ESRRB: variants seen among roughly 807,000 people sequenced by gnomAD.
ESRRB encodes steroid hormone receptor ERR2.
ESRRB carries 16 observed loss-of-function variants against 46.0 expected under a neutral mutation model. The ratio of observed to expected loss-of-function variants is 0.35; its 90% CI spans 0.24 to 0.53. ESRRB has a LOEUF of 0.53. Among genes scored for constraint, ESRRB ranks in the 20% least tolerant of loss-of-function variants. The probability of loss-of-function intolerance (pLI) is 0.93; values close to 1 mark genes in which losing one functional copy is unlikely to be tolerated. For missense variants in ESRRB, 488 were observed against 607.4 expected, an observed-to-expected ratio of 0.80 and a Z score of 2.07; for synonymous variants, 246 against 259.6, an observed-to-expected ratio of 0.95 and a Z score of 0.50.
chr14:76,394,895 A>C (rs928114331), intron 1 of ESRRB, among the ~76,000 whole-genome samples: 1 of 152,210 alleles, frequency 6.6e-6, no homozygotes, highest in Non-Finnish European at 1.5e-5. Context: ...GACATGAACC[A>C]TTCCCATGTA....
At position 76,462,576 on chromosome 14, in the gene ESRRB, C is replaced by T. The variant is rs370878277; in HGVS notation, c.492C>T (p.Asn164=). 1.8e-5 allele frequency: 29 copies of T among 1,613,962 alleles called. No individual in the cohort carries two copies. The highest frequency in any genetic ancestry group is 6.7e-5 in the African/African-American group (5 of 74,924). ...TTGAGTACAGCTGCCCGGCCACCAA[C>T]GAGTGCGAGATCACCAAACGGAGGC... The part of the protein sequence containing the change: ...GNIEYSCPAT[N]ECEITKRRRK... Residue 164 remains asparagine (N), a synonymous_variant, in exon 3 of 7, where the codon AAC becomes AAT. Transcript: ENST00000644823.
chr14:76,498,640 CGGGGATGGGGGGGCAG>C lies in ESRRB; in HGVS notation c.*186_*201del. 1 of 211,364 alleles carries C rather than the reference CGGGGATGGGGGGGCAG, an allele frequency of 4.7e-6. No homozygotes were observed. The highest frequency in any genetic ancestry group is 8.7e-6 in the Non-Finnish European group (1 of 114,674). The allele number at this position is 211,364 out of a possible 1,614,324, so 13.1% of individuals were successfully genotyped here. ...CTCCCGGGTGCAGTGGGGTGGGGGA[CGGGGATGGGGGGGCAG>C]GGGTGTGGGGCTCGACTGTAACTGG... On this transcript the variant is annotated 3_prime_UTR_variant, in exon 7 of 7. Coordinates refer to ENST00000644823, the MANE Select transcript of ESRRB (RefSeq NM_001379180.1).
chr14:76,497,351 A>G (rs1325449636), intron 6 of ESRRB, among the ~76,000 whole-genome samples: 1 of 152,078 alleles, frequency 6.6e-6, no homozygotes, highest in Non-Finnish European at 1.5e-5. Flanking sequence ...GGTGCTGATC[A>G]CGCTCTGGGT....
chr14:76,447,727 C>T (rs1888211651), intron 2 of ESRRB, among the ~76,000 whole-genome samples: 1 of 152,088 alleles, frequency 6.6e-6, no homozygotes, highest in Admixed American at 6.5e-5. Flanking sequence ...CACCCCCCTA[C>T]CACCCCGAAC....
chr14:76,422,507 G>T (rs185831607), intron 1 of ESRRB, among the ~76,000 whole-genome samples: 1 of 151,924 alleles, frequency 6.6e-6, no homozygotes, highest in Non-Finnish European at 1.5e-5. Flanking sequence ...CACCACACCC[G>T]GCCGACATTT....
At chr14:76,369,951 G>A (rs552893377), upstream of ESRRB, among the ~76,000 whole-genome samples, 1 of 152,320 alleles carries the variant, frequency 6.6e-6, no homozygotes, top group African/African-American at 2.4e-5. Context: ...CAAAGAAACT[G>A]TTTATTCTTT....
In ESRRB at chr14:76,499,517, C is replaced by G; in HGVS notation, c.*1059C>G. The G allele has an allele frequency of 2.5e-6, 1 of 405,886 alleles. No homozygotes were observed. Among genetic ancestry groups the G allele is most frequent in the South Asian group, 2.2e-5 (1 of 45,272 alleles). The allele number at this position is 405,886 out of a possible 1,614,324, so 25.1% of individuals were successfully genotyped here. A position where few individuals can be genotyped will look rare whatever the true frequency, so the allele number is the denominator to read the frequency against. ...AAAGGGAGGGAACTCAGCGGGGTGG[C>G]CTGCCTCATCCTTCCTGGCTTCCCT... is the stretch of plus-strand genomic sequence containing the variant. On this transcript the variant is annotated 3_prime_UTR_variant, in exon 7 of 7. Transcript: ENST00000644823.
chr14:76,465,303 C>T (rs1024932782), intron 3 of ESRRB, among the ~76,000 whole-genome samples: 3 of 152,138 alleles, frequency 2.0e-5, no homozygotes, highest in Non-Finnish European at 4.4e-5. Context: ...CGAGAGGGAA[C>T]CTCCCACTCA....
intron 5 of ESRRB, among the ~76,000 whole-genome samples, chr14:76,489,822 G>C (rs866946872): frequency 3.9e-5 from 6 of 152,270 alleles, no homozygotes; most frequent in Middle Eastern, 6.8e-3. Context: ...AAAGAGCTGG[G>C]TGGTCCAGAA....
At chr14:76,310,902 G>A (rs1346941019) in exon 1 of ESRRB, 4 of 454,240 alleles carry the variant, frequency 8.8e-6, no homozygotes, top group Admixed American at 7.1e-5. Flanking sequence ...CGTCCTCCAC[G>A]CCAGCCCCAA....
chr14:76,372,074 G>C (rs1425430056), upstream of ESRRB, among the ~76,000 whole-genome samples: 3 of 152,178 alleles, frequency 2.0e-5, no homozygotes, highest in Non-Finnish European at 4.4e-5. Flanking sequence ...TGCTGGGTTA[G>C]ACTGCATATA....
At chr14:76,469,945 T>TTTTTTTTTTTTTA (rs1889309105) in intron 3 of ESRRB, among the ~76,000 whole-genome samples, 1 of 111,202 alleles carries the variant, frequency 9.0e-6, no homozygotes. Flanking sequence ...TTTTTTTTTC[T>TTTTTTTTTTTTTA]TTTTTTTTTT....
intron 1 of ESRRB, among the ~76,000 whole-genome samples, chr14:76,332,768 A>T (rs749635010): frequency 0.068 from 1,301 of 19,058 alleles, 194 homozygotes; most frequent in Middle Eastern, 0.19. Context: ...TAAATATATA[A>T]TATATATTAT....
At position 76,490,079 on chromosome 14, in the gene ESRRB, G is replaced by T. The variant is rs1050432969; in HGVS notation, c.851-1368G>T. ...AAGGATGGGGTCTAAGTCAGCAAAT[G>T]AAGTAGAAAGTCCTTCCTAGGCAAA... On this transcript the variant is annotated intron_variant, in intron 5 of 6. Coordinates refer to ENST00000644823, the MANE Select transcript of ESRRB (RefSeq NM_001379180.1). Among the ~76,000 whole-genome samples the T allele has an allele frequency of 2.6e-5, 4 of 152,214 alleles. No homozygotes were observed. The South Asian group carries it at 8.3e-4, about 32-fold the overall frequency.
chr14:76,484,216 C>G (rs1595164562), intron 5 of ESRRB, among the ~76,000 whole-genome samples: 1 of 152,304 alleles, frequency 6.6e-6, no homozygotes, highest in East Asian at 1.9e-4. Context: ...CTTACATGCC[C>G]AAGTTGCAGG....
At chr14:76,330,124 G>T (rs1883995292) in intron 1 of ESRRB, among the ~76,000 whole-genome samples, 1 of 152,106 alleles carries the variant, frequency 6.6e-6, no homozygotes, top group African/African-American at 2.4e-5. Flanking sequence ...CTCTCTCTGT[G>T]TACCCATTCC....
At chr14:76,450,460 G>C (rs143090559) in intron 2 of ESRRB, among the ~76,000 whole-genome samples, 37 of 152,300 alleles carry the variant, frequency 2.4e-4, no homozygotes, top group African/African-American at 8.7e-4. Flanking sequence ...GGTAAAGCCA[G>C]TCTGCACTCC....
intron 3 of ESRRB, among the ~76,000 whole-genome samples, chr14:76,469,917 G>A (rs1595150488): frequency 7.9e-6 from 1 of 126,206 alleles, no homozygotes; most frequent in Non-Finnish European, 1.7e-5. Flanking sequence ...AGACTAGGCT[G>A]TGTTTTTTGT....
intron 1 of ESRRB, among the ~76,000 whole-genome samples, chr14:76,424,259 T>C (rs1450387949): frequency 1.3e-5 from 2 of 152,158 alleles, no homozygotes; most frequent in Admixed American, 6.5e-5. Context: ...CTGGCTACAG[T>C]GGCCAGTCTC....
Sources: gnomAD v4.1 joint callset for allele counts (sites outside exome capture counted in the v4.1 genomes callset) on GRCh38, gnomAD v4.1.1 for gene constraint, MANE v1.5 for transcripts, NCBI Gene and HGNC (gene_info 2026-07-23, HGNC 2026-07-21) for gene names.